Variants in LRP1B observed in about 807,000 individuals in gnomAD.
The protein encoded by LRP1B is LDL receptor related protein 1B, also known as low-density lipoprotein receptor-related protein 1B.
A neutral mutation model predicts 556.6 loss-of-function variants in LRP1B; 217 were observed. That is an observed-to-expected ratio of 0.39 (90% CI 0.35 to 0.44). The LOEUF is 0.44. Ranked by LOEUF, LRP1B falls within the 20% of genes least tolerant of loss-of-function variation. The pLI is 1.00. For synonymous variants in LRP1B, 2,047 were observed against 1,865.8 expected, an observed-to-expected ratio of 1.10 and a Z score of -2.50; for missense variants, 5,053 against 5,620.8, an observed-to-expected ratio of 0.90 and a Z score of 3.23.
chr2:141,689,513 C>A (rs1433766060), intron 2 of LRP1B, among the ~76,000 whole-genome samples: 3 of 151,496 alleles, frequency 2.0e-5, no homozygotes, highest in Non-Finnish European at 4.4e-5. Flanking sequence ...GTAGCTATCA[C>A]TTTGTAGCAA....
At chr2:141,772,685 C>G (rs1167276959) in intron 2 of LRP1B, among the ~76,000 whole-genome samples, 3 of 152,122 alleles carry the variant, frequency 2.0e-5, no homozygotes, top group African/African-American at 7.2e-5. Flanking sequence ...TGAATAATCC[C>G]CAGTCTCTCA....
At chr2:140,619,356 A>G (rs770874638) in intron 41 of LRP1B, among the ~76,000 whole-genome samples, 18 of 152,120 alleles carry the variant, frequency 1.2e-4, no homozygotes, top group South Asian at 2.1e-4. Flanking sequence ...ACACATATCT[A>G]TAAAGATATG....
chr2:141,580,196 GTCT>G (rs1686914166), intron 2 of LRP1B, among the ~76,000 whole-genome samples: 1 of 152,202 alleles, frequency 6.6e-6, no homozygotes, highest in South Asian at 2.1e-4. Context: ...TACAAAATGA[GTCT>G]TCTATGTACA....
At chr2:140,289,115 T>A (rs1683273802) in intron 84 of LRP1B, among the ~76,000 whole-genome samples, 1 of 151,916 alleles carries the variant, frequency 6.6e-6, no homozygotes, top group Non-Finnish European at 1.5e-5. Flanking sequence ...TTACTAAATA[T>A]AATTACTAAT....
At chr2:140,600,732 T>C (rs896480770) in intron 42 of LRP1B, among the ~76,000 whole-genome samples, 1 of 150,148 alleles carries the variant, frequency 6.7e-6, no homozygotes, top group African/African-American at 2.4e-5. Context: ...TAGATAGGTA[T>C]TTTTTTGTTC....
chr2:141,612,515 T>C (rs1288573942), intron 2 of LRP1B, among the ~76,000 whole-genome samples: 1 of 152,214 alleles, frequency 6.6e-6, no homozygotes, highest in Non-Finnish European at 1.5e-5. Context: ...TAACACTTGA[T>C]ATTTAAACTC....
chr2:140,518,789 G>T (rs1690028241), intron 49 of LRP1B, among the ~76,000 whole-genome samples: 1 of 152,118 alleles, frequency 6.6e-6, no homozygotes, highest in Non-Finnish European at 1.5e-5. Context: ...TGTATCCTGA[G>T]ACTTTGCTTG....
intron 1 of LRP1B, among the ~76,000 whole-genome samples, chr2:142,081,518 C>T (rs1385210920): frequency 2.0e-5 from 3 of 151,782 alleles, no homozygotes; most frequent in Admixed American, 6.6e-5. Flanking sequence ...AGAAAAGAGG[C>T]GTGGATGAAA....
At chr2:141,915,085 C>T (rs1161319371) in intron 1 of LRP1B, among the ~76,000 whole-genome samples, 1 of 152,166 alleles carries the variant, frequency 6.6e-6, no homozygotes, top group Admixed American at 6.5e-5. Flanking sequence ...CATCACATTG[C>T]CTGACTTCAA....
intron 3 of LRP1B, among the ~76,000 whole-genome samples, chr2:141,423,290 C>CCTTTTTTTTTTT (rs1321976263): frequency 1.5e-5 from 1 of 68,376 alleles, no homozygotes. Context: ...ACAGCCAGAG[C>CCTTTTTTTTTTT]TTTTTTTTTT....
chr2:140,700,147 A>C (rs1686580515), intron 41 of LRP1B, 103 bp downstream of exon 41: 3 of 1,057,562 alleles, frequency 2.8e-6, no homozygotes, highest in Non-Finnish European at 4.1e-6. Context: ...TGAATATAAA[A>C]TCTAGGAAAA....
In LRP1B at chr2:140,350,911, C is replaced by T. The variant is rs765867484; in HGVS notation, c.11778G>A (p.Met3926Ile). The change falls in exon 77 of 91, where the codon ATG becomes ATA. Residue 3926 changes from methionine (M) to isoleucine (I), a missense_variant. Transcript: ENST00000389484. ...TCATATCTCTTTGATAATATACATC[C>T]ATCCCTGTTATTCTTGAATTATGTT... ...HIEHNSRITG[M>I]DVYYQRDMII... The T allele has an allele frequency of 5.0e-6, 8 of 1,611,048 alleles. No individual in the cohort carries two copies. In the Admixed American group the frequency reaches 1.0e-4, roughly 20 times the overall value.
rs138112307 is a variant in LRP1B, at chr2:141,188,600, C to A, written c.851-17G>T. On this transcript the variant is annotated splice_polypyrimidine_tract_variant and intron_variant, in intron 6 of 90. Coordinates refer to ENST00000389484, the MANE Select transcript of LRP1B (RefSeq NM_018557.3). ...GTTGCACATCTGAAAAACACATACA[C>A]AAAATCATTGAATCACAGGTGCAAT... 8.3e-4 allele frequency: 1,339 copies of A among 1,608,842 alleles called. 6 individuals carry two copies. The African/African-American group carries it at 0.016, about 19-fold the overall frequency.
chr2:140,252,511 A>T (rs1449181069), intron 86 of LRP1B, among the ~76,000 whole-genome samples: 2 of 152,084 alleles, frequency 1.3e-5, no homozygotes, highest in Non-Finnish European at 2.9e-5. Context: ...GGTAGAAATA[A>T]AATATGGCAC....
chr2:140,441,548 C>T (rs1302492616), intron 66 of LRP1B, among the ~76,000 whole-genome samples: 1 of 152,162 alleles, frequency 6.6e-6, no homozygotes, highest in Non-Finnish European at 1.5e-5. Flanking sequence ...ATTGCCAGCA[C>T]TTACACATGT....
chr2:140,774,635 C>T (rs767256369), intron 33 of LRP1B, among the ~76,000 whole-genome samples: 5 of 151,998 alleles, frequency 3.3e-5, no homozygotes, highest in Non-Finnish European at 5.9e-5. Flanking sequence ...ATGCGTTATT[C>T]ACTGAGATTT....
intron 20 of LRP1B, among the ~76,000 whole-genome samples, chr2:140,946,765 G>T (rs1411133528): frequency 6.6e-6 from 1 of 152,126 alleles, no homozygotes; most frequent in Non-Finnish European, 1.5e-5. Flanking sequence ...GGCAGACATG[G>T]AATCAACTTA....
chr2:142,000,661 A>G (rs1423896128), intron 1 of LRP1B, among the ~76,000 whole-genome samples: 1 of 152,206 alleles, frequency 6.6e-6, no homozygotes, highest in Non-Finnish European at 1.5e-5. Context: ...TAGTATCTAA[A>G]CACAGTCATA....
At chr2:140,669,851 G>A (rs2165507) in intron 41 of LRP1B, among the ~76,000 whole-genome samples, 117,789 of 152,032 alleles carry the variant, frequency 0.77, 46,880 homozygotes, top group Non-Finnish European at 0.88. Flanking sequence ...AGTGATAATC[G>A]CACACATATT....
Sources: gnomAD v4.1 joint callset for allele counts (sites outside exome capture counted in the v4.1 genomes callset) on GRCh38, gnomAD v4.1.1 for gene constraint, MANE v1.5 for transcripts, NCBI Gene and HGNC (gene_info 2026-07-23, HGNC 2026-07-21) for gene names.